FYTTD1: variants seen among roughly 807,000 people sequenced by gnomAD.
FYTTD1 encodes forty-two-three domain containing 1.
FYTTD1 carries 22 observed loss-of-function variants against 40.9 expected under a neutral mutation model. The observed-to-expected ratio is 0.54, with a 90% CI of 0.38 to 0.77. The LOEUF is 0.77. Ranked by LOEUF, FYTTD1 falls within the 30% of genes least tolerant of loss-of-function variation. The probability of loss-of-function intolerance (pLI) is 0.00; values close to 1 mark genes in which losing one functional copy is unlikely to be tolerated. For missense variants in FYTTD1, 351 were observed against 392.2 expected, an observed-to-expected ratio of 0.90 and a Z score of 0.89; for synonymous variants, 140 against 137.9, an observed-to-expected ratio of 1.01 and a Z score of -0.10.
chr3:197,761,255 G>A (rs773555289), intron 2 of FYTTD1, among the ~76,000 whole-genome samples: 7 of 150,882 alleles, frequency 4.6e-5, no homozygotes, highest in Non-Finnish European at 1.0e-4. Context: ...AATGTATAGA[G>A]TTGTTCTTCA....
chr3:197,769,773 A>G (rs139299673), intron 3 of FYTTD1, among the ~76,000 whole-genome samples: 90 of 152,090 alleles, frequency 5.9e-4, no homozygotes, highest in Non-Finnish European at 1.0e-3. Flanking sequence ...ATTTATATCT[A>G]TGGCTCTCTG....
chr3:197,766,392 ATAT>A (rs1455458607), intron 2 of FYTTD1, among the ~76,000 whole-genome samples: 6 of 133,652 alleles, frequency 4.5e-5, no homozygotes, highest in Non-Finnish European at 8.2e-5. Context: ...ACATGGGATA[ATAT>A]TTTTGCAATA....
At chr3:197,775,190 A>C (rs1198310788) in intron 6 of FYTTD1, among the ~76,000 whole-genome samples, 1 of 152,248 alleles carries the variant, frequency 6.6e-6, no homozygotes, top group Non-Finnish European at 1.5e-5. Context: ...CTTTAAAAAC[A>C]ATAGTTTTCC....
At chr3:197,761,920 T>A (rs1009631145) in intron 2 of FYTTD1, among the ~76,000 whole-genome samples, 2 of 152,200 alleles carry the variant, frequency 1.3e-5, no homozygotes, top group African/African-American at 2.4e-5. Flanking sequence ...TTTTGGAGAT[T>A]AGCAGTTCAA....
chr3:197,776,366 C>A, intron 6 of FYTTD1, among the ~76,000 whole-genome samples: 1 of 150,958 alleles, frequency 6.6e-6, no homozygotes, highest in African/African-American at 2.4e-5. Context: ...CACCACACCC[C>A]ACGCCCAGCT....
rs779441651 is a variant in FYTTD1 at position 197,749,966 on chromosome 3, C to G, written c.-6C>G. The G allele has an allele frequency of 6.4e-7, 1 of 1,567,356 alleles. No homozygotes were observed. The highest frequency in any genetic ancestry group is 1.2e-5 in the South Asian group (1 of 86,766). ...CGCGCCCGCTCTCGGCGCGACGTCTCCAGCCATGAACCGGTTTGGTACCCG... is the reference window on the plus strand; with the variant it reads ...CGCGCCCGCTCTCGGCGCGACGTCTGCAGCCATGAACCGGTTTGGTACCCG... On this transcript the variant is annotated 5_prime_UTR_variant, in exon 1 of 9. Coordinates refer to ENST00000241502, the MANE Select transcript of FYTTD1 (RefSeq NM_032288.7).
chr3:197,778,274 C>A (rs556764892), intron 7 of FYTTD1, 64 bp from the exon 8 acceptor site: 2 of 1,304,516 alleles, frequency 1.5e-6, no homozygotes, highest in Non-Finnish European at 2.1e-6. Context: ...GTCTTAAGTA[C>A]CAAGTGAATT....
At chr3:197,774,034 C>T (rs909376519) in intron 5 of FYTTD1, 115 bp from the exon 6 acceptor site, 7 of 835,102 alleles carry the variant, frequency 8.4e-6, no homozygotes, top group Non-Finnish European at 1.4e-5. Context: ...GCGCAGGCAC[C>T]TCCGCTGCAC....
At chr3:197,775,837 T>C (rs1225969846) in intron 6 of FYTTD1, among the ~76,000 whole-genome samples, 1 of 152,230 alleles carries the variant, frequency 6.6e-6, no homozygotes. Context: ...ATTTACATAA[T>C]TGTGATCATA....
At chr3:197,771,581 C>T (rs1182030417) in intron 4 of FYTTD1, among the ~76,000 whole-genome samples, 2 of 151,408 alleles carry the variant, frequency 1.3e-5, no homozygotes, top group Non-Finnish European at 2.9e-5. Flanking sequence ...TCGAGACCAT[C>T]CCGGCTAAAA....
chr3:197,753,781 A>G (rs1729133997), intron 1 of FYTTD1, among the ~76,000 whole-genome samples: 1 of 151,924 alleles, frequency 6.6e-6, no homozygotes, highest in Non-Finnish European at 1.5e-5. Context: ...TTTGAGACGG[A>G]GTCTTGCTCT....
intron 1 of FYTTD1, among the ~76,000 whole-genome samples, chr3:197,752,522 CTG>C (rs1729091681): frequency 6.6e-6 from 1 of 151,672 alleles, no homozygotes; most frequent in Non-Finnish European, 1.5e-5. Context: ...TGTAGTATGT[CTG>C]TATATATGCC....
intron 2 of FYTTD1, 41 bp from the exon 3 acceptor site, chr3:197,768,398 T>A: frequency 6.8e-7 from 1 of 1,462,132 alleles, no homozygotes; most frequent in Non-Finnish European, 9.3e-7. Flanking sequence ...CCCAATTGAA[T>A]TGTTAAATTG....
At chr3:197,777,330 T>A (rs1486118918) in intron 7 of FYTTD1, among the ~76,000 whole-genome samples, 1 of 151,804 alleles carries the variant, frequency 6.6e-6, no homozygotes, top group Non-Finnish European at 1.5e-5. Flanking sequence ...GATCATGGCT[T>A]ATTGCAGTCT....
chr3:197,773,440 A>C lies in FYTTD1; in HGVS notation c.535A>C (p.Lys179Gln). The change falls in exon 5 of 9, where the codon AAA (lysine) becomes CAA (glutamine). Residue 179 changes from lysine (K) to glutamine (Q), a missense_variant. Transcript: ENST00000241502. The part of the protein sequence containing the change: ...IPANFTRSGN[K>Q]LNHQKDTRQA... ...AGCTAATTTTACCAGGAGTGGAAAT[A>C]AATTAAATCATCAGAAAGATACTCG... 6.2e-7 allele frequency: 1 copy of C among 1,604,032 alleles called. No homozygotes were observed. Among genetic ancestry groups the C allele is most frequent in the South Asian group, 1.1e-5 (1 of 89,874 alleles).
chr3:197,755,345 G>A (rs986244047), intron 1 of FYTTD1, among the ~76,000 whole-genome samples: 2 of 152,162 alleles, frequency 1.3e-5, no homozygotes, highest in Non-Finnish European at 2.9e-5. Flanking sequence ...TTTGTTGCAT[G>A]TAGTATATGC....
At chr3:197,771,238 T>C (rs1032140008) in intron 4 of FYTTD1, among the ~76,000 whole-genome samples, 31 of 152,216 alleles carry the variant, frequency 2.0e-4, no homozygotes, top group African/African-American at 7.5e-4. Flanking sequence ...TATGGCATTC[T>C]GTTCTCTGTA....
chr3:197,760,522 A>G (rs1050356483), intron 2 of FYTTD1, among the ~76,000 whole-genome samples: 30 of 151,830 alleles, frequency 2.0e-4, no homozygotes, highest in African/African-American at 7.3e-4. Context: ...CTTCAGGGGT[A>G]GAATGTATAG....
intron 3 of FYTTD1, 125 bp downstream of exon 3, chr3:197,768,712 A>G (rs983258967): frequency 1.5e-6 from 1 of 657,736 alleles, no homozygotes; most frequent in Admixed American, 3.8e-5. Context: ...GATATAAAAA[A>G]ATTTAATATC....
Sources: allele counts gnomAD v4.1 joint callset (sites outside exome capture counted in the v4.1 genomes callset), GRCh38; gene constraint gnomAD v4.1.1; transcripts MANE v1.5; gene names NCBI Gene and HGNC (gene_info 2026-07-23, HGNC 2026-07-21).